The following MAMDC2 variants were observed in gnomAD, a reference collection of about 807,000 sequenced individuals.
MAMDC2 encodes the protein MAM domain containing 2.
MAMDC2 carries 57 observed loss-of-function variants against 89.8 expected under a neutral mutation model. The observed-to-expected ratio is 0.63, with a 90% CI of 0.51 to 0.79. The LOEUF (loss-of-function observed/expected upper bound fraction) is 0.79. Ranked by LOEUF, MAMDC2 falls within the 30% of genes least tolerant of loss-of-function variation. The pLI is 0.00. For missense variants in MAMDC2, 800 were observed against 820.6 expected (o/e 0.97, Z 0.31); for synonymous variants, 313 against 293.4 (o/e 1.07, Z -0.68).
intron 11 of MAMDC2, among the ~76,000 whole-genome samples, chr9:70,211,502 C>T (rs1193514045): frequency 1.3e-5 from 2 of 152,146 alleles, no homozygotes; most frequent in South Asian, 2.1e-4. Flanking sequence ...CTTCTCTATA[C>T]TGTTTATTCT....
At chr9:70,183,737 T>C (rs939003486) in intron 11 of MAMDC2, among the ~76,000 whole-genome samples, 2 of 152,218 alleles carry the variant, frequency 1.3e-5, no homozygotes, top group African/African-American at 4.8e-5. Flanking sequence ...AGCCTATGTG[T>C]GTCTTTGCAT....
chr9:70,073,196 G>T (rs1827449346), intron 2 of MAMDC2, among the ~76,000 whole-genome samples: 1 of 152,218 alleles, frequency 6.6e-6, no homozygotes, highest in Non-Finnish European at 1.5e-5. Context: ...GGCAGTGCAA[G>T]TAAAGCTTAC....
At chr9:70,177,771 C>A (rs1029283053) in intron 11 of MAMDC2, among the ~76,000 whole-genome samples, 1 of 152,164 alleles carries the variant, frequency 6.6e-6, no homozygotes. Context: ...CACTGCCTCA[C>A]TAGGGTTTCC....
intron 2 of MAMDC2, among the ~76,000 whole-genome samples, chr9:70,057,494 G>C (rs1230240469): frequency 6.6e-6 from 1 of 152,150 alleles, no homozygotes; most frequent in Non-Finnish European, 1.5e-5. Context: ...GCTAGAAGAT[G>C]AAAAGGGTGC....
chr9:70,109,910 T>C, intron 4 of MAMDC2, 106 bp downstream of exon 4: 1 of 865,266 alleles, frequency 1.2e-6, no homozygotes, highest in South Asian at 1.4e-5. Flanking sequence ...TTTTATAGAA[T>C]GCACTGCATA....
chr9:70,203,042 T>G (rs1321714465), intron 11 of MAMDC2, among the ~76,000 whole-genome samples: 1 of 152,218 alleles, frequency 6.6e-6, no homozygotes, highest in Non-Finnish European at 1.5e-5. Context: ...ATTGGAGCAT[T>G]TAGCCCATTT....
chr9:70,224,781 G>A (rs369862060), intron 12 of MAMDC2, among the ~76,000 whole-genome samples: 54 of 152,242 alleles, frequency 3.5e-4, no homozygotes, highest in African/African-American at 1.2e-3. Context: ...CAGTCAAGTT[G>A]ACACCTGAAA....
At chr9:70,119,887 C>A (rs1183378438) in intron 5 of MAMDC2, among the ~76,000 whole-genome samples, 4 of 152,206 alleles carry the variant, frequency 2.6e-5, no homozygotes, top group African/African-American at 2.4e-5. Context: ...GAGTTGATGA[C>A]CTTCATACAG....
intron 3 of MAMDC2, among the ~76,000 whole-genome samples, 162 bp from the exon 4 acceptor site, chr9:70,109,558 A>T (rs1017501322): frequency 6.6e-6 from 1 of 152,254 alleles, no homozygotes; most frequent in African/African-American, 2.4e-5. Flanking sequence ...TTCTTCTAGT[A>T]AAGTCCGTAG....
chr9:70,207,847 T>C lies in MAMDC2; in HGVS notation c.1652-10490T>C, dbSNP rs573790321. On this transcript the variant is annotated intron_variant, in intron 11 of 13. Coordinates refer to ENST00000377182, the MANE Select transcript of MAMDC2 (RefSeq NM_153267.5). ...AGGGATCCAGTTACAGCTTTCCACA[T>C]ATGGCTAACCAGTTTTCCCAGCACT... Among the ~76,000 whole-genome samples the C allele has an allele frequency of 2.0e-5, 3 of 152,362 alleles. No individual in the cohort carries two copies. In the East Asian group the frequency reaches 5.8e-4, roughly 29 times the overall value.
intron 11 of MAMDC2, among the ~76,000 whole-genome samples, chr9:70,207,252 T>A (rs751837516): frequency 5.9e-5 from 9 of 152,244 alleles, no homozygotes; most frequent in African/African-American, 9.6e-5. Flanking sequence ...ACCAGCAGTG[T>A]AAAAGTGTTC....
intron 2 of MAMDC2, among the ~76,000 whole-genome samples, chr9:70,085,001 T>A (rs955168972): frequency 6.6e-6 from 1 of 152,094 alleles, no homozygotes; most frequent in Non-Finnish European, 1.5e-5. Flanking sequence ...AACAGATACA[T>A]AATTTACTAT....
intron 7 of MAMDC2, among the ~76,000 whole-genome samples, chr9:70,134,721 C>T (rs182814340): frequency 1.5e-4 from 23 of 152,284 alleles, no homozygotes; most frequent in African/African-American, 5.1e-4. Flanking sequence ...GCTAAGGTTG[C>T]CCCAGCCTTT....
At chr9:70,192,490 G>GT (rs1014596054) in intron 11 of MAMDC2, among the ~76,000 whole-genome samples, 14 of 152,194 alleles carry the variant, frequency 9.2e-5, no homozygotes, top group African/African-American at 3.1e-4. Context: ...AGGCCTTGCT[G>GT]TATCTAAGAT....
At chr9:70,203,461 C>T (rs916538560) in intron 11 of MAMDC2, among the ~76,000 whole-genome samples, 44 of 139,770 alleles carry the variant, frequency 3.1e-4, no homozygotes, top group South Asian at 7.6e-4. Context: ...GAGGGTAACC[C>T]GACCTTTCTC....
intron 2 of MAMDC2, among the ~76,000 whole-genome samples, chr9:70,050,009 C>T (rs1272044715): frequency 6.6e-6 from 1 of 152,178 alleles, no homozygotes; most frequent in East Asian, 1.9e-4. Context: ...GGAAACATCC[C>T]TGTCTCCACT....
intron 12 of MAMDC2, among the ~76,000 whole-genome samples, chr9:70,220,740 T>G (rs1000580601): frequency 2.0e-5 from 3 of 152,118 alleles, no homozygotes; most frequent in African/African-American, 7.2e-5. Context: ...CCTCCTACCA[T>G]AGAAGTTCCA....
chr9:70,172,003 G>C (rs2118538265), intron 11 of MAMDC2: 1 of 152,308 alleles, frequency 6.6e-6, no homozygotes, highest in East Asian at 1.9e-4. Context: ...ACCACCTCCA[G>C]TAAAACCTGT....
intron 2 of MAMDC2, among the ~76,000 whole-genome samples, chr9:70,102,785 C>A (rs1828229711): frequency 6.6e-6 from 1 of 152,176 alleles, no homozygotes; most frequent in Admixed American, 6.5e-5. Flanking sequence ...TCTAGTAAAT[C>A]AGTTCCAATT....
Sources: allele counts gnomAD v4.1 joint callset (sites outside exome capture counted in the v4.1 genomes callset), GRCh38; gene constraint gnomAD v4.1.1; transcripts MANE v1.5; gene names NCBI Gene and HGNC (gene_info 2026-07-23, HGNC 2026-07-21).